The following KIAA1549L variants were observed in gnomAD, a reference collection of about 807,000 sequenced individuals.
The protein encoded by KIAA1549L is KIAA1549 like, also known as UPF0606 protein KIAA1549L.
Under a neutral mutation model 160.7 loss-of-function variants are expected in KIAA1549L, and 88 were observed. That is an observed-to-expected ratio of 0.55 (90% CI 0.46 to 0.65). The LOEUF (loss-of-function observed/expected upper bound fraction) is 0.65, where lower values mean the gene tolerates loss of function less well. KIAA1549L is among the 30% of genes least tolerant of loss of function. The probability of loss-of-function intolerance (pLI) is 0.00; values close to 1 mark genes in which losing one functional copy is unlikely to be tolerated. For synonymous variants in KIAA1549L, 950 were observed against 976.7 expected, an observed-to-expected ratio of 0.97 and a Z score of 0.51; for missense variants, 2,258 against 2,437.5, an observed-to-expected ratio of 0.93 and a Z score of 1.55.
chr11:33,449,817 G>C (rs1851683964), intron 1 of KIAA1549L, among the ~76,000 whole-genome samples: 1 of 152,162 alleles, frequency 6.6e-6, no homozygotes, highest in Non-Finnish European at 1.5e-5. Context: ...AGAAAAAGAA[G>C]GCAGCAGTTT....
chr11:33,646,753 C>T (rs910204965), intron 17 of KIAA1549L, among the ~76,000 whole-genome samples: 1 of 152,198 alleles, frequency 6.6e-6, no homozygotes, highest in Non-Finnish European at 1.5e-5. Context: ...TTGATTTTTG[C>T]AGCCAAGAAT....
Position 33,526,045 on chromosome 11 carries a change from A to C in KIAA1549L, c.239-15757A>C, listed in dbSNP as rs1330412806. Reference sequence around the variant, plus strand: ...CCCACCTGATGGTTTTTCTCTACCCACCCTGGTAGCCGAAGACATAAGGTC... The same window carrying C: ...CCCACCTGATGGTTTTTCTCTACCCCCCCTGGTAGCCGAAGACATAAGGTC... On this transcript the variant is annotated intron_variant, in intron 1 of 20. Coordinates refer to ENST00000658780, the MANE Select transcript of KIAA1549L (RefSeq NM_012194.3). 2.6e-5 allele frequency among the ~76,000 whole-genome samples: 4 copies of C among 151,652 alleles called. 1 individual carries two copies. The South Asian group carries it at 8.3e-4, about 32-fold the overall frequency.
At chr11:33,607,046 G>A (rs1052330929) in intron 14 of KIAA1549L, among the ~76,000 whole-genome samples, 1 of 152,138 alleles carries the variant, frequency 6.6e-6, no homozygotes, top group Non-Finnish European at 1.5e-5. Context: ...TTCATTAAAA[G>A]CCCAGAAGGA....
intron 1 of KIAA1549L, among the ~76,000 whole-genome samples, chr11:33,404,569 T>G (rs1205438400): frequency 6.6e-6 from 1 of 150,986 alleles, no homozygotes; most frequent in Non-Finnish European, 1.5e-5. Flanking sequence ...TCATTTAAAG[T>G]CAGATAAGTA....
At chr11:33,667,092 G>A (rs569532743) in intron 20 of KIAA1549L, among the ~76,000 whole-genome samples, 2 of 152,308 alleles carry the variant, frequency 1.3e-5, no homozygotes, top group South Asian at 4.1e-4. Context: ...AGCTACTCAG[G>A]AGGCTGAGGC....
Position 33,513,247 on chromosome 11 carries a change from G to C in KIAA1549L, c.239-28555G>C, listed in dbSNP as rs1478661702. ...TTTTTCCAGCTAAATAGAAGATTTG[G>C]TGGTAGAGAGTGGAGTCTTCTCATG... On this transcript the variant is annotated intron_variant, in intron 1 of 20. Coordinates refer to ENST00000658780, the MANE Select transcript of KIAA1549L (RefSeq NM_012194.3). Among the ~76,000 whole-genome samples the C allele has an allele frequency of 2.0e-5, 3 of 152,348 alleles. No homozygotes were observed. The East Asian group carries it at 5.8e-4, about 29-fold the overall frequency.
chr11:33,630,803 C>T (rs1210620789), intron 16 of KIAA1549L, among the ~76,000 whole-genome samples: 1 of 152,208 alleles, frequency 6.6e-6, no homozygotes, highest in African/African-American at 2.4e-5. Context: ...CTTGGCTCCT[C>T]CCGATTTAAG....
In KIAA1549L at chr11:33,574,730, C is replaced by G; in HGVS notation, c.4259C>G (p.Pro1420Arg). 1 of 1,612,778 alleles carries G rather than the reference C, an allele frequency of 6.2e-7. No homozygotes were observed. ...GTGAAGATGCAGCGTGTCCCAGGCC[C>G]GAAGGACCCAGCGGAGCTGACTTAC... Reference protein sequence around the residue: ...QMVKMQRVPGPKDPAELTYYT... With the variant: ...QMVKMQRVPGRKDPAELTYYT... Residue 1420 changes from proline to arginine, a missense_variant, in exon 10 of 21, where the codon CCG becomes CGG. Pro to Arg is a moderately radical substitution (Grantham distance 103). Transcript: ENST00000658780.
intron 1 of KIAA1549L, among the ~76,000 whole-genome samples, chr11:33,495,037 C>T (rs1176262387): frequency 6.6e-6 from 1 of 152,056 alleles, no homozygotes; most frequent in Non-Finnish European, 1.5e-5. Flanking sequence ...TTGTCAAGTG[C>T]CTTAGGCCAC....
chr11:33,487,337 C>T (rs1852550167), intron 1 of KIAA1549L, among the ~76,000 whole-genome samples: 1 of 151,558 alleles, frequency 6.6e-6, no homozygotes, highest in South Asian at 2.1e-4. Flanking sequence ...AGAAGTCTAG[C>T]CCACTAGGTG....
chr11:33,543,755 C>G lies in KIAA1549L; in HGVS notation c.2192C>G (p.Thr731Ser). The change falls in exon 2 of 21, where the codon ACC (threonine) becomes AGC (serine). Residue 731 changes from threonine (T) to serine (S), a missense_variant. Coordinates refer to ENST00000658780, the MANE Select transcript of KIAA1549L (RefSeq NM_012194.3). ...GATTTAAATGGACACACAATTAGCACCACAAGTTGGGAAACTCATTTAGCT... is the reference window on the plus strand; with the variant it reads ...GATTTAAATGGACACACAATTAGCAGCACAAGTTGGGAAACTCATTTAGCT... ...NYDLNGHTIS[T>S]TSWETHLAPT... The G allele has an allele frequency of 6.2e-7, 1 of 1,614,020 alleles. No individual in the cohort carries two copies. The highest frequency in any genetic ancestry group is 8.5e-7 in the Non-Finnish European group (1 of 1,179,888).
intron 1 of KIAA1549L, among the ~76,000 whole-genome samples, chr11:33,540,826 G>T (rs1205037736): frequency 6.6e-6 from 1 of 152,176 alleles, no homozygotes; most frequent in Non-Finnish European, 1.5e-5. Flanking sequence ...GCTGAGCTGG[G>T]CATATGATTA....
Position 33,593,312 on chromosome 11 carries a change from A to G in KIAA1549L, c.4751+1891A>G, listed in dbSNP as rs141854341. Among the ~76,000 whole-genome samples the G allele has an allele frequency of 3.0e-4, 46 of 152,272 alleles. 1 individual carries two copies. In the East Asian group the frequency reaches 8.5e-3, roughly 28 times the overall value. Reference sequence around the variant, plus strand: ...ATATTAGCCAGGTGCAGTGGTGTGTACCTGTAGTCACAGCTACTGGGGAGG... The same window carrying G: ...ATATTAGCCAGGTGCAGTGGTGTGTGCCTGTAGTCACAGCTACTGGGGAGG... On this transcript the variant is annotated intron_variant, in intron 12 of 20. Transcript: ENST00000658780.
At chr11:33,606,868 G>A in intron 14 of KIAA1549L, 46 bp downstream of exon 14, 2 of 1,499,786 alleles carry the variant, frequency 1.3e-6, no homozygotes, top group Non-Finnish European at 9.0e-7. Context: ...GGCCAGACTT[G>A]GGAAATTCGG....
intron 1 of KIAA1549L, among the ~76,000 whole-genome samples, chr11:33,436,514 G>A (rs1329819027): frequency 1.3e-5 from 2 of 152,228 alleles, no homozygotes; most frequent in East Asian, 3.8e-4. Flanking sequence ...TTGGTCAAAT[G>A]TTAATCTTAT....
intron 1 of KIAA1549L, among the ~76,000 whole-genome samples, chr11:33,402,792 G>A (rs1850529078): frequency 6.6e-6 from 1 of 151,866 alleles, no homozygotes; most frequent in South Asian, 2.1e-4. Context: ...TCCCAGGTGT[G>A]CTTGGCTCAC....
chr11:33,595,602 ACCT>A (rs1850178017), intron 12 of KIAA1549L, among the ~76,000 whole-genome samples: 1 of 152,160 alleles, frequency 6.6e-6, no homozygotes, highest in African/African-American at 2.4e-5. Flanking sequence ...TGTAAGAGAA[ACCT>A]CCTCTCTGTT....
chr11:33,402,264 A>G (rs1242828976), intron 1 of KIAA1549L, among the ~76,000 whole-genome samples: 1 of 152,132 alleles, frequency 6.6e-6, no homozygotes, highest in Non-Finnish European at 1.5e-5. Context: ...TGGCCGCTTA[A>G]GCCAGAAACC....
intron 1 of KIAA1549L, among the ~76,000 whole-genome samples, chr11:33,497,899 T>C (rs1852856614): frequency 6.6e-6 from 1 of 152,212 alleles, no homozygotes; most frequent in Non-Finnish European, 1.5e-5. Flanking sequence ...ACGGTGCCAT[T>C]CTGATCTGGA....
Sources: gnomAD v4.1 joint callset for allele counts (sites outside exome capture counted in the v4.1 genomes callset) on GRCh38, gnomAD v4.1.1 for gene constraint, MANE v1.5 for transcripts, NCBI Gene and HGNC (gene_info 2026-07-23, HGNC 2026-07-21) for gene names.